The following RSF1 variants were observed in gnomAD, a reference collection of about 807,000 sequenced individuals.
RSF1 encodes the protein remodeling and spacing factor 1, also known as HBV pX-associated protein 8.
RSF1 carries 13 observed loss-of-function variants against 145.2 expected under a neutral mutation model. The ratio of observed to expected loss-of-function variants is 0.09; its 90% CI spans 0.06 to 0.14. RSF1 has a LOEUF of 0.14. Among genes scored for constraint, RSF1 ranks in the 10% least tolerant of loss-of-function variants. The pLI is 1.00. For synonymous variants in RSF1, 577 were observed against 592.6 expected, an observed-to-expected ratio of 0.97 and a Z score of 0.38; for missense variants, 1,517 against 1,718.2, an observed-to-expected ratio of 0.88 and a Z score of 2.07.
the RSF1 span, chr11:77,841,089 T>C: frequency 1.5e-6 from 1 of 668,094 alleles, no homozygotes; most frequent in Admixed American, 2.1e-5. Flanking sequence ...CATCATCCTA[T>C]AGTGGAAGTC....
upstream of RSF1, chr11:77,821,206 G>A: frequency 3.2e-6 from 1 of 308,054 alleles, no homozygotes. Flanking sequence ...GCACTGCGCC[G>A]TTTGGGAACG....
At chr11:77,851,926 A>T in the RSF1 span, among the ~76,000 whole-genome samples, 19 of 152,282 alleles carry the variant, frequency 1.2e-4, no homozygotes, top group East Asian at 3.1e-3. Flanking sequence ...TCAAACTGTG[A>T]TCCAACAAAT....
chr11:77,700,333 G>C (rs1321419394), intron 6 of RSF1, among the ~76,000 whole-genome samples: 1 of 104,002 alleles, frequency 9.6e-6, no homozygotes, highest in East Asian at 3.3e-4. Context: ...CCTGGCGACA[G>C]AGCAAGACTG....
intron 5 of RSF1, chr11:77,718,239 G>A (rs1052692452): frequency 3.3e-5 from 5 of 152,260 alleles, no homozygotes; most frequent in Admixed American, 1.3e-4. Context: ...CCAAGAGGTG[G>A]AGGTTGCGGT....
At chr11:77,835,968 A>G in the RSF1 span, among the ~76,000 whole-genome samples, 1 of 152,178 alleles carries the variant, frequency 6.6e-6, no homozygotes, top group Non-Finnish European at 1.5e-5. Context: ...AAGTGAATTG[A>G]AGAATACATG....
chr11:77,674,917 T>G, intron 14 of RSF1, 119 bp downstream of exon 14: 1 of 736,394 alleles, frequency 1.4e-6, no homozygotes, highest in Non-Finnish European at 2.2e-6. Context: ...GAGAATCGCT[T>G]GAACCCGGGA....
chr11:77,668,754 C>T (rs551066625), intron 15 of RSF1, among the ~76,000 whole-genome samples: 2 of 152,016 alleles, frequency 1.3e-5, no homozygotes, highest in African/African-American at 2.4e-5. Context: ...AGGTTATATG[C>T]GAATATGACA....
intron 15 of RSF1, among the ~76,000 whole-genome samples, chr11:77,669,869 T>C (rs1394540988): frequency 6.6e-6 from 1 of 152,240 alleles, no homozygotes; most frequent in Non-Finnish European, 1.5e-5. Context: ...GGCTTACACC[T>C]GTAATCCTAA....
intron 1 of RSF1, among the ~76,000 whole-genome samples, chr11:77,799,827 G>A (rs901582652): frequency 1.3e-5 from 2 of 152,120 alleles, no homozygotes; most frequent in African/African-American, 2.4e-5. Flanking sequence ...AGCAGGGATA[G>A]TACTAACAAC....
chr11:77,748,102 G>C (rs544938305), intron 2 of RSF1, among the ~76,000 whole-genome samples: 5 of 152,042 alleles, frequency 3.3e-5, no homozygotes, highest in Admixed American at 1.3e-4. Flanking sequence ...GCCTGCACTA[G>C]TGTCATAGTG....
At chr11:77,870,430 G>A in the RSF1 span, among the ~76,000 whole-genome samples, 32 of 143,722 alleles carry the variant, frequency 2.2e-4, no homozygotes, top group African/African-American at 8.4e-4. Flanking sequence ...TCTGCCTCCC[G>A]GGTTCATGCC....
chr11:77,824,917 A>G (rs1038022749), upstream of RSF1, among the ~76,000 whole-genome samples: 5 of 152,156 alleles, frequency 3.3e-5, no homozygotes, highest in African/African-American at 1.2e-4. Context: ...CTTTTATACA[A>G]ATTTATACAC....
At chr11:77,843,924 G>A in the RSF1 span, among the ~76,000 whole-genome samples, 3 of 152,272 alleles carry the variant, frequency 2.0e-5, no homozygotes, top group South Asian at 6.2e-4. Flanking sequence ...AGCTTGTGCA[G>A]AGAAACTCTC....
chr11:77,723,681 C>T (rs1960989209), intron 5 of RSF1, among the ~76,000 whole-genome samples: 1 of 152,120 alleles, frequency 6.6e-6, no homozygotes. Flanking sequence ...AGGCATAATT[C>T]CTTGTTTACA....
At chr11:77,717,958 G>A (rs1254123987) in intron 5 of RSF1, 1 of 152,130 alleles carries the variant, frequency 6.6e-6, no homozygotes, top group South Asian at 2.1e-4. Context: ...CCTTACATAT[G>A]CAAATGCTCA....
At chr11:77,745,670 G>T (rs192974364) in intron 3 of RSF1, among the ~76,000 whole-genome samples, 1 of 151,170 alleles carries the variant, frequency 6.6e-6, no homozygotes, top group East Asian at 1.9e-4. Flanking sequence ...TTCATTGATA[G>T]CTGGCTCTGG....
chr11:77,732,969 A>G (rs1961244364), intron 4 of RSF1, among the ~76,000 whole-genome samples: 1 of 152,236 alleles, frequency 6.6e-6, no homozygotes, highest in African/African-American at 2.4e-5. Context: ...TTCATAGGTC[A>G]TCCCTTTTTA....
At chr11:77,849,280 G>T in the RSF1 span, among the ~76,000 whole-genome samples, 1 of 151,990 alleles carries the variant, frequency 6.6e-6, no homozygotes, top group South Asian at 2.1e-4. Flanking sequence ...GGAATGCGGT[G>T]GCGTGACCTT....
chr11:77,871,661 A>G, the RSF1 span, among the ~76,000 whole-genome samples: 33 of 152,340 alleles, frequency 2.2e-4, no homozygotes, highest in African/African-American at 7.2e-4. Flanking sequence ...TGGGGCTGGG[A>G]GACTTTAAAG....
Sources: allele counts gnomAD v4.1 joint callset (sites outside exome capture counted in the v4.1 genomes callset), GRCh38; gene constraint gnomAD v4.1.1; transcripts MANE v1.5; gene names NCBI Gene and HGNC (gene_info 2026-07-23, HGNC 2026-07-21).